ABI2: variants seen among roughly 807,000 people sequenced by gnomAD.
The protein encoded by ABI2 is abl interactor 2.
In ABI2, 25 loss-of-function variants were observed where a neutral mutation model predicts 59.2. The observed-to-expected ratio is 0.42, with a 90% CI of 0.31 to 0.59. The LOEUF (loss-of-function observed/expected upper bound fraction) is 0.59. Among genes scored for constraint, ABI2 ranks in the 20% least tolerant of loss-of-function variants. The pLI is 0.14. For missense variants in ABI2, 545 were observed against 681.8 expected, an observed-to-expected ratio of 0.80 and a Z score of 2.23; for synonymous variants, 213 against 235.5, an observed-to-expected ratio of 0.90 and a Z score of 0.87.
chr2:203,396,770 C>G lies in ABI2; in HGVS notation c.851-15C>G, dbSNP rs1237483320. On this transcript the variant is annotated splice_polypyrimidine_tract_variant and intron_variant, in intron 7 of 11. Transcript: ENST00000261018. ...TGCCTCATTAATGCTGCCTCTTACT[C>G]CTCTTTCCCCTCAGCCCCTGCTGGC... The G allele has an allele frequency of 6.6e-7, 1 of 1,518,400 alleles. No homozygotes were observed. The highest frequency in any genetic ancestry group is 2.5e-5 in the East Asian group (1 of 40,258). 94.1% of individuals were successfully genotyped at this position (1,518,400 alleles called of 1,614,324 possible).
Position 203,380,395 on chromosome 2 carries a change from T to C in ABI2, c.462+11T>C, listed in dbSNP as rs765232686. ...GGACATGGAGTAAAGGTAGGTATAA[T>C]TTTTTTCAAGCTTTTAAAAGTAGTA... On this transcript the variant is annotated intron_variant, in intron 3 of 11. Coordinates refer to ENST00000261018, the MANE Select transcript of ABI2 (RefSeq NM_001375670.1). 7 of 1,503,580 alleles carry C rather than the reference T, an allele frequency of 4.7e-6. No individual in the cohort carries two copies. The highest frequency in any genetic ancestry group is 6.2e-6 in the Non-Finnish European group (7 of 1,127,504). The allele number at this position is 1,503,580 out of a possible 1,614,324, so 93.1% of individuals were successfully genotyped here.
At chr2:203,414,784 C>T (rs759398953) in intron 10 of ABI2, among the ~76,000 whole-genome samples, 2 of 152,166 alleles carry the variant, frequency 1.3e-5, no homozygotes, top group African/African-American at 4.8e-5. Flanking sequence ...AGGTGCTTTT[C>T]CACTTACTTG....
Position 203,380,304 on chromosome 2 carries a change from G to T in ABI2, c.382G>T (p.Ala128Ser). ...TSRTHKIIAP[A>S]NLERPVRYIR... is the part of the protein sequence containing the mutation. Reference sequence around the variant, plus strand: ...AAGGACACATAAGATTATTGCTCCAGCCAACCTTGAACGACCAGTTCGTTA... The same window carrying T: ...AAGGACACATAAGATTATTGCTCCATCCAACCTTGAACGACCAGTTCGTTA... Residue 128 changes from alanine to serine, a missense_variant, in exon 3 of 12, where the codon GCC becomes TCC. Physicochemically the swap from Ala to Ser is moderately conservative, Grantham distance 99. Around this residue, in one of 4 missense-constraint regions of ABI2, gnomAD observed 410 missense variants for 435.6 expected, o/e 0.94. Coordinates refer to ENST00000261018, the MANE Select transcript of ABI2 (RefSeq NM_001375670.1). The T allele has an allele frequency of 1.2e-6, 2 of 1,609,266 alleles. No homozygotes were observed. The highest frequency in any genetic ancestry group is 1.7e-6 in the Non-Finnish European group (2 of 1,178,180).
intron 4 of ABI2, among the ~76,000 whole-genome samples, chr2:203,388,780 ACT>A (rs2096631013): frequency 1.3e-5 from 2 of 152,150 alleles, no homozygotes; most frequent in Admixed American, 1.3e-4. Flanking sequence ...AGGTCCAAAG[ACT>A]TACAGAAGAT....
chr2:203,328,452 T>A lies in ABI2; in HGVS notation c.-63T>A, dbSNP rs2069963672. The A allele has an allele frequency of 7.2e-7, 1 of 1,387,250 alleles. No individual in the cohort carries two copies. The highest frequency in any genetic ancestry group is 1.2e-5 in the South Asian group (1 of 80,080). 85.9% of individuals were successfully genotyped at this position (1,387,250 alleles called of 1,614,324 possible). On this transcript the variant is annotated 5_prime_UTR_variant, in exon 1 of 12. Transcript: ENST00000261018. Reference sequence around the variant, plus strand: ...CTCCTCTCCCGGTCCTGGGTTTCCTTGGCGCTGCGGCCGCCGCTCCCTCTG... The same window carrying A: ...CTCCTCTCCCGGTCCTGGGTTTCCTAGGCGCTGCGGCCGCCGCTCCCTCTG...
chr2:203,394,856 C>T lies in ABI2; in HGVS notation c.725+10C>T. 6.2e-7 allele frequency: 1 copy of T among 1,613,724 alleles called. No homozygotes were observed. The highest frequency in any genetic ancestry group is 1.1e-5 in the South Asian group (1 of 91,044). On this transcript the variant is annotated intron_variant, in intron 6 of 11. Coordinates refer to ENST00000261018, the MANE Select transcript of ABI2 (RefSeq NM_001375670.1). ...GAAATCGAACTTACAGGTATTTTCT[C>T]TACCTCAGTGCAAAATGTGATGGTC...
intron 2 of ABI2, among the ~76,000 whole-genome samples, chr2:203,374,165 C>G (rs555004816): frequency 6.6e-6 from 1 of 151,674 alleles, no homozygotes; most frequent in South Asian, 2.1e-4. Flanking sequence ...TCTCAACAAC[C>G]CAAAACACAA....
intron 1 of ABI2, among the ~76,000 whole-genome samples, chr2:203,338,983 A>AAT (rs1212962939): frequency 4.0e-4 from 5 of 12,354 alleles, no homozygotes; most frequent in African/African-American, 1.0e-3. Flanking sequence ...TATATATATA[A>AAT]ATATATATAT....
chr2:203,339,610 A>G (rs1055062117), intron 1 of ABI2, among the ~76,000 whole-genome samples: 5 of 151,976 alleles, frequency 3.3e-5, no homozygotes, highest in Admixed American at 2.6e-4. Context: ...AAAAGAAAAA[A>G]AGAAAACCCA....
At chr2:203,396,722 T>C (rs746341971) in intron 7 of ABI2, 63 bp from the exon 8 acceptor site, 12 of 1,435,948 alleles carry the variant, frequency 8.4e-6, no homozygotes, top group Non-Finnish European at 1.1e-5. Flanking sequence ...TCTAATACCT[T>C]TTCTAATCCT....
At chr2:203,426,832 CAAAT>C (rs1406493955) in intron 11 of ABI2, among the ~76,000 whole-genome samples, 1 of 146,074 alleles carries the variant, frequency 6.8e-6, no homozygotes, top group Non-Finnish European at 1.5e-5. Context: ...AACACAAACT[CAAAT>C]GAAGAAACAG....
In ABI2 at chr2:203,357,248, C is replaced by CT. The variant is rs1422265260; in HGVS notation, c.118-9625dup. ...CTGAAAAGGACCTAAAAATCCAGTC[C>CT]TTTTAATATAACATATGGTAACTGA... On this transcript the variant is annotated intron_variant, in intron 1 of 11. Transcript: ENST00000261018. 3.9e-5 allele frequency among the ~76,000 whole-genome samples: 6 copies of CT among 152,164 alleles called. No individual in the cohort carries two copies. In the East Asian group the frequency reaches 9.6e-4, roughly 24 times the overall value.
At chr2:203,390,942 A>T in intron 4 of ABI2, 104 bp from the exon 5 acceptor site, 6 of 858,956 alleles carry the variant, frequency 7.0e-6, no homozygotes, top group Admixed American at 2.2e-5. Context: ...TTTTCCCTTT[A>T]TTTAAACCTT....
chr2:203,404,463 C>G (rs1341157217), intron 9 of ABI2, among the ~76,000 whole-genome samples: 1 of 152,170 alleles, frequency 6.6e-6, no homozygotes, highest in African/African-American at 2.4e-5. Context: ...GACAAAACTG[C>G]CCTTTTTATA....
At chr2:203,397,818 A>C (rs1037776058) in intron 8 of ABI2, among the ~76,000 whole-genome samples, 1 of 152,222 alleles carries the variant, frequency 6.6e-6, no homozygotes, top group Non-Finnish European at 1.5e-5. Flanking sequence ...TCACGTGGCC[A>C]GAGTAGGAGC....
rs2153629385 is a variant in ABI2, at chr2:203,431,807, C to CTTA, written c.*4458_*4460dup. The CTTA allele has an allele frequency of 6.6e-6, 1 of 152,080 alleles. No homozygotes were observed. Among genetic ancestry groups the CTTA allele is most frequent in the East Asian group, 1.9e-4 (1 of 5,184 alleles). 9.4% of individuals were successfully genotyped at this position (152,080 alleles called of 1,614,324 possible). A position where few individuals can be genotyped will look rare whatever the true frequency, so the allele number is the denominator to read the frequency against. On this transcript the variant is annotated 3_prime_UTR_variant, in exon 12 of 12. Transcript: ENST00000261018. The stretch of plus-strand genomic sequence containing the variant: ...AAAAAAGAAAAACCAACAAAAAAAG[C>CTTA]TTATTTTCACATTAAAATGAAACCT...
chr2:203,427,474 T>C lies in ABI2; in HGVS notation c.*122T>C, dbSNP rs1171727135. On this transcript the variant is annotated 3_prime_UTR_variant, in exon 12 of 12. Coordinates refer to ENST00000261018, the MANE Select transcript of ABI2 (RefSeq NM_001375670.1). ...GATACAAATGATAAAAATTACACTTTTTTTTTTGGTTTATTCCCCAGTATT... is the reference window on the plus strand; with the variant it reads ...GATACAAATGATAAAAATTACACTTCTTTTTTTGGTTTATTCCCCAGTATT... 2 of 928,124 alleles carry C rather than the reference T, an allele frequency of 2.2e-6. No individual in the cohort carries two copies. The highest frequency in any genetic ancestry group is 5.3e-5 in the East Asian group (2 of 37,632). 57.5% of individuals were successfully genotyped at this position (928,124 alleles called of 1,614,324 possible). A position where few individuals can be genotyped will look rare whatever the true frequency, so the allele number is the denominator to read the frequency against.
At chr2:203,396,401 T>C (rs2096986921) in intron 7 of ABI2, among the ~76,000 whole-genome samples, 1 of 152,216 alleles carries the variant, frequency 6.6e-6, no homozygotes, top group Non-Finnish European at 1.5e-5. Flanking sequence ...ATATGGAATA[T>C]GTCTATTTTC....
chr2:203,353,491 A>T (rs547862695), intron 1 of ABI2, among the ~76,000 whole-genome samples: 119 of 152,042 alleles, frequency 7.8e-4, no homozygotes, highest in Non-Finnish European at 1.4e-3. Context: ...GTATTTATTT[A>T]TTTTTTGAGA....
Sources: allele counts gnomAD v4.1 joint callset (sites outside exome capture counted in the v4.1 genomes callset), GRCh38; gene constraint gnomAD v4.1.1; regional missense constraint gnomAD v4.1.1; transcripts MANE v1.5; gene names NCBI Gene and HGNC (gene_info 2026-07-23, HGNC 2026-07-21).